Variants in LDB2 observed in about 807,000 individuals in gnomAD.
The protein encoded by LDB2 is LIM domain binding 2, also known as LIM domain-binding protein 2.
In LDB2, 12 loss-of-function variants were observed where a neutral mutation model predicts 44.3. The observed-to-expected ratio is 0.27, with a 90% CI of 0.17 to 0.44. The LOEUF (loss-of-function observed/expected upper bound fraction) is 0.44, where lower values mean the gene tolerates loss of function less well. Ranked by LOEUF, LDB2 falls within the 20% of genes least tolerant of loss-of-function variation. LDB2 has a pLI of 1.00. For synonymous variants in LDB2, 164 were observed against 174.8 expected (o/e 0.94, Z 0.49); for missense variants, 344 against 473.5 (o/e 0.73, Z 2.54).
At chr4:16,585,382 C>T (rs1357161944) in intron 5 of LDB2, among the ~76,000 whole-genome samples, 8 of 152,152 alleles carry the variant, frequency 5.3e-5, no homozygotes, top group Admixed American at 1.3e-4. Flanking sequence ...CTGGATTTGG[C>T]TCTGGGGAAT....
At chr4:16,672,832 T>TTTCTTTCCTTCTTTCC in intron 2 of LDB2, among the ~76,000 whole-genome samples, 1 of 147,832 alleles carries the variant, frequency 6.8e-6, no homozygotes, top group African/African-American at 2.5e-5. Context: ...GCCTGCCTTC[T>TTTCTTTCCTTCTTTCC]TTCCTTCCTT....
chr4:16,718,865 A>T (rs1190601217), intron 2 of LDB2, among the ~76,000 whole-genome samples: 1 of 152,260 alleles, frequency 6.6e-6, no homozygotes, highest in Admixed American at 6.6e-5. Flanking sequence ...TAAATGACAA[A>T]CAGGTATCAA....
chr4:16,692,717 T>C (rs1047199008), intron 2 of LDB2, among the ~76,000 whole-genome samples: 2 of 152,078 alleles, frequency 1.3e-5, no homozygotes, highest in Non-Finnish European at 2.9e-5. Context: ...AAAATGCAGA[T>C]ATGATGATTT....
intron 1 of LDB2, among the ~76,000 whole-genome samples, chr4:16,825,449 C>T (rs1782871854): frequency 6.6e-6 from 1 of 152,114 alleles, no homozygotes; most frequent in East Asian, 1.9e-4. Flanking sequence ...ATCTATTGGC[C>T]ACATCCAGTC....
rs138036531 is a variant in LDB2 at position 16,672,013 on chromosome 4, G to A, written c.236-76138C>T. ...CTGCCTCCTGGCTCTCTGGAGAGGTGCATGGAGAAGATTTAGACTCCAGTG... is the reference window on the plus strand; with the variant it reads ...CTGCCTCCTGGCTCTCTGGAGAGGTACATGGAGAAGATTTAGACTCCAGTG... On this transcript the variant is annotated intron_variant, in intron 2 of 7. Coordinates refer to ENST00000304523, the MANE Select transcript of LDB2 (RefSeq NM_001290.5). Among the ~76,000 whole-genome samples the A allele has an allele frequency of 3.4e-3, 517 of 152,318 alleles. 2 individuals carry two copies. Among genetic ancestry groups the A allele is most frequent in the Non-Finnish European group, 5.0e-3 (342 of 68,036 alleles).
chr4:16,869,184 G>A (rs543312310), intron 1 of LDB2, among the ~76,000 whole-genome samples: 1 of 152,008 alleles, frequency 6.6e-6, no homozygotes, highest in South Asian at 2.1e-4. Context: ...GAGGAAGCTG[G>A]GGCCTAGAGA....
intron 2 of LDB2, among the ~76,000 whole-genome samples, chr4:16,622,809 A>G (rs1177233586): frequency 6.6e-6 from 1 of 152,214 alleles, no homozygotes; most frequent in Non-Finnish European, 1.5e-5. Context: ...TCTATGTGCC[A>G]AAAATAGTTG....
intron 1 of LDB2, among the ~76,000 whole-genome samples, chr4:16,897,205 T>TG (rs1297382944): frequency 6.6e-6 from 1 of 152,192 alleles, no homozygotes; most frequent in African/African-American, 2.4e-5. Context: ...ACAAACTTAA[T>TG]GGAGTCCCTT....
intron 1 of LDB2, among the ~76,000 whole-genome samples, chr4:16,831,308 G>T (rs1784046307): frequency 6.6e-6 from 1 of 151,558 alleles, no homozygotes; most frequent in Non-Finnish European, 1.5e-5. Flanking sequence ...CAGAGATAAA[G>T]TAAGAGGAAG....
At chr4:16,667,924 C>A (rs897526820) in intron 2 of LDB2, among the ~76,000 whole-genome samples, 7 of 152,136 alleles carry the variant, frequency 4.6e-5, no homozygotes, top group Non-Finnish European at 1.0e-4. Context: ...CTCTGCTCAC[C>A]TTCCACGATC....
At chr4:16,865,468 C>T (rs1168126312) in intron 1 of LDB2, among the ~76,000 whole-genome samples, 3 of 152,136 alleles carry the variant, frequency 2.0e-5, no homozygotes, top group African/African-American at 7.2e-5. Context: ...AGTCTCAGCT[C>T]CACAAGCCCT....
At chr4:16,644,043 TCA>T (rs1226407645) in intron 2 of LDB2, among the ~76,000 whole-genome samples, 1 of 152,218 alleles carries the variant, frequency 6.6e-6, no homozygotes, top group Non-Finnish European at 1.5e-5. Context: ...TGTCAATTGC[TCA>T]CACACAGTTT....
chr4:16,556,908 ACT>A (rs1035132047), intron 5 of LDB2, among the ~76,000 whole-genome samples: 1 of 152,108 alleles, frequency 6.6e-6, no homozygotes, highest in African/African-American at 2.4e-5. Context: ...TTTCCAGAAA[ACT>A]CTATGGTCAG....
chr4:16,631,669 C>T (rs1044534160), intron 2 of LDB2, among the ~76,000 whole-genome samples: 7 of 151,860 alleles, frequency 4.6e-5, no homozygotes, highest in African/African-American at 1.7e-4. Context: ...GAAAAGATAA[C>T]AAAATAGATA....
chr4:16,604,529 TTA>T (rs149252192), intron 2 of LDB2, among the ~76,000 whole-genome samples: 21 of 148,522 alleles, frequency 1.4e-4, no homozygotes, highest in African/African-American at 3.9e-4. Flanking sequence ...ATATATATAT[TTA>T]TATATATATA....
intron 2 of LDB2, among the ~76,000 whole-genome samples, chr4:16,616,558 G>T (rs140878633): frequency 0.014 from 2,201 of 152,198 alleles, 31 homozygotes; most frequent in South Asian, 0.046. Flanking sequence ...ACAGCCACCT[G>T]AGTCTCTGGC....
At chr4:16,584,258 AGCTGATATTATTTTTGGCAAAGTGAAT>A (rs1293334255) in intron 5 of LDB2, among the ~76,000 whole-genome samples, 3 of 152,138 alleles carry the variant, frequency 2.0e-5, no homozygotes, top group African/African-American at 4.8e-5. Context: ...CCCTACAAGG[AGCTGATATTATTTTTGGCAAAGTGAAT>A]GAAGGCTTAC....
chr4:16,836,147 CTG>C (rs1477461536), intron 1 of LDB2, among the ~76,000 whole-genome samples: 1 of 152,338 alleles, frequency 6.6e-6, no homozygotes, highest in African/African-American at 2.4e-5. Flanking sequence ...AAGATAATGA[CTG>C]TATGTATAAG....
chr4:16,557,983 C>G (rs1235333027), intron 5 of LDB2, among the ~76,000 whole-genome samples: 1 of 152,226 alleles, frequency 6.6e-6, no homozygotes, highest in Non-Finnish European at 1.5e-5. Flanking sequence ...CTAGCAAATT[C>G]AACAGACCTG....
Sources: allele counts gnomAD v4.1 joint callset (sites outside exome capture counted in the v4.1 genomes callset), GRCh38; gene constraint gnomAD v4.1.1; transcripts MANE v1.5; gene names NCBI Gene and HGNC (gene_info 2026-07-23, HGNC 2026-07-21).